SMARCA2: variants seen among roughly 807,000 people sequenced by gnomAD.
SMARCA2 encodes SWI/SNF related BAF chromatin remodeling complex subunit ATPase 2.
In SMARCA2, 61 loss-of-function variants were observed where a neutral mutation model predicts 199.8. That is an observed-to-expected ratio of 0.31 (90% CI 0.25 to 0.38). The LOEUF is 0.38. SMARCA2 is among the 10% of genes least tolerant of loss of function. SMARCA2 has a pLI of 1.00. For synonymous variants in SMARCA2, 935 were observed against 732.0 expected (o/e 1.28, Z -4.48); for missense variants, 1,344 against 2,012.2 (o/e 0.67, Z 6.35).
intron 26 of SMARCA2, among the ~76,000 whole-genome samples, chr9:2,121,286 C>G (rs565781358): frequency 1.3e-5 from 2 of 152,314 alleles, no homozygotes; most frequent in African/African-American, 2.4e-5. Flanking sequence ...GACTATTTTA[C>G]CACTCAAAGA....
rs145516397 is a variant in SMARCA2, at chr9:2,029,053, C to T, written c.31C>T (p.Pro11Ser). The change falls in exon 2 of 34, where the codon CCC becomes TCC. Residue 11 changes from proline (P) to serine (S), a missense_variant. Pro to Ser is a moderately conservative substitution (Grantham distance 74, BLOSUM62 -1). Coordinates refer to ENST00000349721, the MANE Select transcript of SMARCA2 (RefSeq NM_003070.5). ...CACGCCCACAGACCCTGGTGCGATG[C>T]CCCACCCAGGGCCTTCGCCGGGGCC... MSTPTDPGAM[P>S]HPGPSPGPGP... 67 of 1,555,250 alleles carry T rather than the reference C, an allele frequency of 4.3e-5. No homozygotes were observed. The African/African-American group carries it at 8.3e-4, about 19-fold the overall frequency.
At chr9:2,083,527 C>A in intron 16 of SMARCA2, 114 bp downstream of exon 16, 1 of 631,496 alleles carries the variant, frequency 1.6e-6, no homozygotes, top group Non-Finnish European at 2.8e-6. Context: ...TTGTCATGTA[C>A]ATCATGTACT....
intron 29 of SMARCA2, among the ~76,000 whole-genome samples, chr9:2,171,475 C>G (rs1045509307): frequency 6.6e-6 from 1 of 152,146 alleles, no homozygotes; most frequent in Admixed American, 6.5e-5. Context: ...TATACTTATC[C>G]ATTTTTGTGT....
intron 19 of SMARCA2, 32 bp downstream of exon 19, chr9:2,088,645 T>C (rs1280461294): frequency 1.3e-6 from 2 of 1,487,216 alleles, no homozygotes; most frequent in Non-Finnish European, 1.8e-6. Context: ...TGTGGGTTTT[T>C]TTTTTCCTCC....
chr9:2,054,912 T>G (rs1820284357), intron 6 of SMARCA2, among the ~76,000 whole-genome samples, 189 bp downstream of exon 6: 1 of 152,262 alleles, frequency 6.6e-6, no homozygotes, highest in South Asian at 2.1e-4. Context: ...TGCTTATTAT[T>G]CTGGTTTTCT....
intron 10 of SMARCA2, chr9:2,071,968 C>T (rs1051610123): frequency 6.6e-6 from 1 of 152,084 alleles, no homozygotes; most frequent in Admixed American, 6.5e-5. Flanking sequence ...CTGGAGTAAG[C>T]CTTTTCTCTT....
At chr9:2,044,928 T>C (rs1208361834) in intron 4 of SMARCA2, 2 of 152,206 alleles carry the variant, frequency 1.3e-5, no homozygotes, top group Non-Finnish European at 2.9e-5. Flanking sequence ...AGATCTAGTT[T>C]GGAGTCACAG....
At position 2,119,764 on chromosome 9, in the gene SMARCA2, C is replaced by A. The variant is rs550135670; in HGVS notation, c.3762+229C>A. Among the ~76,000 whole-genome samples the A allele has an allele frequency of 3.3e-5, 5 of 152,342 alleles. No homozygotes were observed. The highest frequency in any genetic ancestry group is 1.2e-4 in the African/African-American group (5 of 41,592). On this transcript the variant is annotated intron_variant, in intron 26 of 33. Transcript: ENST00000349721. The surrounding 1 kb of genome is among the most constrained non-coding windows in gnomAD (Gnocchi z 4.6). ...ATTCATTGCCAACATAAAAAAGAAT[C>A]CTGATTTCTGGCTTCTCTTGAAAAA...
At position 2,181,763 on chromosome 9, in the gene SMARCA2, G is replaced by GCCACTGATGGGTACC. The variant is rs1563835839; in HGVS notation, c.4359+89_4359+103dup. 3 of 748,822 alleles carry GCCACTGATGGGTACC rather than the reference G, an allele frequency of 4.0e-6. No homozygotes were observed. The African/African-American group carries it at 5.2e-5, about 13-fold the overall frequency. The allele number at this position is 748,822 out of a possible 1,614,324, so 46.4% of individuals were successfully genotyped here. On this transcript the variant is annotated intron_variant, in intron 30 of 33. Transcript: ENST00000349721. Reference sequence around the variant, plus strand: ...GAAATGGTTGTAGTTGGAGCTGACCGCCACTGATGGGTACCCAGGGCTCGC... The same window carrying GCCACTGATGGGTACC: ...GAAATGGTTGTAGTTGGAGCTGACCGCCACTGATGGGTACCCCACTGATGGGTACCCAGGGCTCGC...
At chr9:2,118,191 A>G (rs139501783) in intron 25 of SMARCA2, among the ~76,000 whole-genome samples, 144 of 152,266 alleles carry the variant, frequency 9.5e-4, no homozygotes, top group African/African-American at 3.4e-3. Flanking sequence ...ACATTACCAG[A>G]TATTTTGTAC....
intron 28 of SMARCA2, among the ~76,000 whole-genome samples, chr9:2,168,643 A>T (rs1267366713): frequency 6.6e-6 from 1 of 152,224 alleles, no homozygotes; most frequent in Non-Finnish European, 1.5e-5. Context: ...GGATCTTTAC[A>T]CTGGCATTCA....
intron 24 of SMARCA2, among the ~76,000 whole-genome samples, chr9:2,111,764 T>C (rs533468002): frequency 2.0e-5 from 3 of 152,258 alleles, no homozygotes; most frequent in African/African-American, 7.2e-5. Flanking sequence ...CCAGTTTTCT[T>C]ATTCGGTGGA....
At chr9:2,141,692 G>C (rs1049340984) in intron 27 of SMARCA2, among the ~76,000 whole-genome samples, 6 of 151,978 alleles carry the variant, frequency 3.9e-5, no homozygotes, top group Non-Finnish European at 7.4e-5. Flanking sequence ...CTATGTAGTT[G>C]TGTGGCCCTC....
chr9:2,051,234 T>C (rs1267764224), intron 5 of SMARCA2, among the ~76,000 whole-genome samples: 2 of 152,196 alleles, frequency 1.3e-5, no homozygotes, highest in Non-Finnish European at 2.9e-5. Context: ...GCATATAATT[T>C]TACTATGGAG....
At chr9:2,179,547 G>C (rs760635968) in intron 29 of SMARCA2, among the ~76,000 whole-genome samples, 19 of 152,020 alleles carry the variant, frequency 1.2e-4, no homozygotes, top group Admixed American at 1.2e-3. Context: ...CTCCTTATGG[G>C]GTTTAGAATT....
chr9:2,054,070 G>C (rs560166692), intron 5 of SMARCA2, among the ~76,000 whole-genome samples: 25 of 152,190 alleles, frequency 1.6e-4, no homozygotes, highest in Admixed American at 1.2e-3. Context: ...AATGTTTAGG[G>C]TTGGCTGATT....
chr9:2,081,928 G>A lies in SMARCA2; in HGVS notation c.2281G>A (p.Ala761Thr). 1 of 1,613,834 alleles carries A rather than the reference G, an allele frequency of 6.2e-7. No individual in the cohort carries two copies. The highest frequency in any genetic ancestry group is 8.5e-7 in the Non-Finnish European group (1 of 1,179,746). Residue 761 changes from alanine to threonine, a missense_variant, in exon 15 of 34, where the codon GCA becomes ACA. Around this residue, in one of 18 missense-constraint regions of SMARCA2, gnomAD observed 50 missense variants for 81.6 expected, o/e 0.61. Coordinates refer to ENST00000349721, the MANE Select transcript of SMARCA2 (RefSeq NM_003070.5). ...MGLGKTIQTI[A>T]LITYLMEHKR... ...GCTTGGAAAGACCATACAGACCATT[G>A]CACTCATCACTTATCTGATGGAGCA...
At chr9:2,057,907 A>G (rs1820426706) in intron 7 of SMARCA2, among the ~76,000 whole-genome samples, 1 of 152,194 alleles carries the variant, frequency 6.6e-6, no homozygotes, top group African/African-American at 2.4e-5. Flanking sequence ...TACTTTTGTG[A>G]CATACTTTTT....
chr9:2,073,581 T>C lies in SMARCA2; in HGVS notation c.1893T>C (p.Pro631=). Residue 631 remains proline, a synonymous_variant, in exon 12 of 34, where the codon CCT becomes CCC. Coordinates refer to ENST00000349721, the MANE Select transcript of SMARCA2 (RefSeq NM_003070.5). The stretch of plus-strand genomic sequence containing the variant: ...TTTTCCTTAGTTATGAAGTTGCCCC[T>C]AGATCTGACAGTGAAGAGAGTGATT... ...LEMNPGYEVA[P]RSDSEESDSD... The C allele has an allele frequency of 6.2e-7, 1 of 1,612,300 alleles. No homozygotes were observed. The highest frequency in any genetic ancestry group is 2.2e-5 in the East Asian group (1 of 44,874).
Sources: allele counts gnomAD v4.1 joint callset (sites outside exome capture counted in the v4.1 genomes callset), GRCh38; gene constraint gnomAD v4.1.1; regional missense constraint gnomAD v4.1.1; non-coding constraint Gnocchi (gnomAD v3.1); transcripts MANE v1.5; gene names NCBI Gene and HGNC (gene_info 2026-07-23, HGNC 2026-07-21).